Variants in AHRR observed in about 807,000 individuals in gnomAD.
The protein encoded by AHRR is ahR repressor.
A neutral mutation model predicts 44.0 loss-of-function variants in AHRR; 28 were observed. That is an observed-to-expected ratio of 0.64 (90% CI 0.47 to 0.87). The LOEUF is 0.87. Among genes scored for constraint, AHRR ranks in the 40% least tolerant of loss-of-function variants. The pLI is 0.00. For missense variants in AHRR, 990 were observed against 953.9 expected, an observed-to-expected ratio of 1.04 and a Z score of -0.50; for synonymous variants, 434 against 407.0, an observed-to-expected ratio of 1.07 and a Z score of -0.80.
At chr5:415,151 G>A (rs2126515738) in intron 5 of AHRR, among the ~76,000 whole-genome samples, 1 of 152,366 alleles carries the variant, frequency 6.6e-6, no homozygotes, top group East Asian at 1.9e-4. Flanking sequence ...GGCGCTGGGG[G>A]AAGCTGTGAC....
In AHRR at chr5:413,652, G is replaced by C. The variant is rs1359152575; in HGVS notation, c.441+219G>C. Among the ~76,000 whole-genome samples, 5 of 152,318 alleles carry C rather than the reference G, an allele frequency of 3.3e-5. No homozygotes were observed. The East Asian group carries it at 7.7e-4, about 24-fold the overall frequency. ...GGCAAGAGGCTTCTCAGTGTTAGGG[G>C]TGTTCTGGTCTAAGGCAGCCGTGGC... is the stretch of plus-strand genomic sequence containing the variant. On this transcript the variant is annotated intron_variant, in intron 5 of 10. Coordinates refer to ENST00000684583, the MANE Select transcript of AHRR (RefSeq NM_001377236.1).
chr5:366,656 G>A (rs141755734), intron 3 of AHRR, among the ~76,000 whole-genome samples: 42 of 152,232 alleles, frequency 2.8e-4, no homozygotes, highest in Non-Finnish European at 4.4e-4. Flanking sequence ...TTATGAAGCC[G>A]AAAAGCCCAG....
intron 10 of AHRR, among the ~76,000 whole-genome samples, chr5:433,352 G>A (rs1736829035): frequency 2.0e-5 from 3 of 151,930 alleles, no homozygotes; most frequent in Non-Finnish European, 4.4e-5. Context: ...TTCCTGACCA[G>A]CCCAGCTGTG....
At chr5:427,633 G>A in intron 7 of AHRR, 174 bp from the exon 8 acceptor site, 5 of 1,613,082 alleles carry the variant, frequency 3.1e-6, no homozygotes, top group Non-Finnish European at 4.2e-6. Context: ...GAATCACTCT[G>A]CAGGCCCGGG....
intron 4 of AHRR, among the ~76,000 whole-genome samples, chr5:410,553 A>AG (rs1735431261): frequency 2.3e-5 from 1 of 43,158 alleles, no homozygotes; most frequent in Non-Finnish European, 7.1e-5. Context: ...TATAAAAAGA[A>AG]AAAAAACTTT....
intron 3 of AHRR, among the ~76,000 whole-genome samples, chr5:355,523 C>T (rs1427083982): frequency 1.3e-5 from 2 of 152,210 alleles, no homozygotes; most frequent in Non-Finnish European, 1.5e-5. Flanking sequence ...ACAGCCTCAC[C>T]CTCTCGCTGG....
intron 4 of AHRR, among the ~76,000 whole-genome samples, chr5:400,577 T>C (rs796389512): frequency 6.6e-6 from 1 of 152,272 alleles, no homozygotes; most frequent in African/African-American, 2.4e-5. Flanking sequence ...AACAAAACTT[T>C]TGTAGGATTA....
intron 4 of AHRR, among the ~76,000 whole-genome samples, chr5:392,578 G>A (rs1289265800): frequency 1.3e-5 from 2 of 152,176 alleles, no homozygotes; most frequent in Admixed American, 6.5e-5. Flanking sequence ...ACAGTGACTC[G>A]TTATGTAAGC....
At chr5:421,485 G>A in intron 5 of AHRR, 1 of 489,208 alleles carries the variant, frequency 2.0e-6, no homozygotes. Flanking sequence ...CCCGCGGGGT[G>A]TTTTCTTGAA....
chr5:400,402 C>T (rs1734964270), intron 4 of AHRR, among the ~76,000 whole-genome samples: 3 of 152,186 alleles, frequency 2.0e-5, no homozygotes, highest in Admixed American at 2.0e-4. Context: ...CCCCGACCTC[C>T]GTTGTCCTTG....
At chr5:331,102 C>T (rs111916791) in intron 1 of AHRR, among the ~76,000 whole-genome samples, 1 of 151,650 alleles carries the variant, frequency 6.6e-6, no homozygotes, top group Admixed American at 6.6e-5. Context: ...ATCTTGATCT[C>T]TTGACCACGT....
At chr5:402,331 C>T (rs896177183) in intron 4 of AHRR, among the ~76,000 whole-genome samples, 1 of 151,842 alleles carries the variant, frequency 6.6e-6, no homozygotes, top group African/African-American at 2.4e-5. Context: ...CCCTCGTGCA[C>T]TGTTGGCGGG....
In AHRR at chr5:361,530, G is replaced by A. The variant is rs941687132; in HGVS notation, c.244+7619G>A. ...TCCACCACAGGCACAGGGCAGGGCT[G>A]TCTCTTCCTGGATTTCGGAGAGTGG... On this transcript the variant is annotated intron_variant, in intron 3 of 10. Coordinates refer to ENST00000684583, the MANE Select transcript of AHRR (RefSeq NM_001377236.1). Among the ~76,000 whole-genome samples, 3 of 152,350 alleles carry A rather than the reference G, an allele frequency of 2.0e-5. No homozygotes were observed. The East Asian group carries it at 5.8e-4, about 29-fold the overall frequency.
intron 1 of AHRR, among the ~76,000 whole-genome samples, chr5:336,532 C>G (rs1243118449): frequency 6.6e-6 from 1 of 152,214 alleles, no homozygotes; most frequent in Non-Finnish European, 1.5e-5. Flanking sequence ...TTTGTCTATG[C>G]TGGACACTAG....
chr5:340,931 C>T (rs1243298395), intron 1 of AHRR, among the ~76,000 whole-genome samples: 8 of 150,400 alleles, frequency 5.3e-5, no homozygotes. Context: ...CTCCTGACCT[C>T]AGGTGATCCT....
At chr5:431,745 C>A (rs10044468) in intron 8 of AHRR, among the ~76,000 whole-genome samples, 10,513 of 152,244 alleles carry the variant, frequency 0.069, 476 homozygotes, top group East Asian at 0.13. Context: ...CCTCTGCTCG[C>A]CATAATTCAC....
At chr5:415,800 T>A (rs918484842) in intron 5 of AHRR, among the ~76,000 whole-genome samples, 2 of 152,156 alleles carry the variant, frequency 1.3e-5, no homozygotes, top group Non-Finnish European at 2.9e-5. Context: ...TGACAAGTCA[T>A]TAGAATTCAC....
At position 434,116 on chromosome 5, in the gene AHRR, C is replaced by G; in HGVS notation, c.1376C>G (p.Ala459Gly). 6.2e-7 allele frequency: 1 copy of G among 1,612,984 alleles called. No individual in the cohort carries two copies. Among genetic ancestry groups the G allele is most frequent in the Non-Finnish European group, 8.5e-7 (1 of 1,179,896 alleles). The change falls in exon 11 of 11, where the codon GCC (alanine) becomes GGC (glycine). Residue 459 changes from alanine (A) to glycine (G), a missense_variant. Coordinates refer to ENST00000684583, the MANE Select transcript of AHRR (RefSeq NM_001377236.1). ...ISHPPSPSPS[A>G]YSSRTSRPMR... is the part of the protein sequence containing the mutation. Reference sequence around the variant, plus strand: ...CACCCGCCGAGCCCGTCCCCCAGTGCCTACTCCAGCCGGACCAGCAGACCC... The same window carrying G: ...CACCCGCCGAGCCCGTCCCCCAGTGGCTACTCCAGCCGGACCAGCAGACCC...
At chr5:334,558 A>C (rs1742054360) in intron 1 of AHRR, among the ~76,000 whole-genome samples, 1 of 151,810 alleles carries the variant, frequency 6.6e-6, no homozygotes. Context: ...AAATGTATCT[A>C]TCTCCTTGGT....
Sources: allele counts gnomAD v4.1 joint callset (sites outside exome capture counted in the v4.1 genomes callset), GRCh38; gene constraint gnomAD v4.1.1; transcripts MANE v1.5; gene names NCBI Gene and HGNC (gene_info 2026-07-23, HGNC 2026-07-21).